RLF: variants seen among roughly 807,000 people sequenced by gnomAD.
The protein encoded by RLF is zinc finger protein Rlf.
A neutral mutation model predicts 162.9 loss-of-function variants in RLF; 7 were observed. The observed-to-expected ratio is 0.04, with a 90% CI of 0.02 to 0.08. The LOEUF (loss-of-function observed/expected upper bound fraction) is 0.08, where lower values mean the gene tolerates loss of function less well. Among genes scored for constraint, RLF ranks in the 10% least tolerant of loss-of-function variants. The probability of loss-of-function intolerance (pLI) is 1.00; values close to 1 mark genes in which losing one functional copy is unlikely to be tolerated. For synonymous variants in RLF, 782 were observed against 791.5 expected, an observed-to-expected ratio of 0.99 and a Z score of 0.20; for missense variants, 1,664 against 2,244.7, an observed-to-expected ratio of 0.74 and a Z score of 5.23.
chr1:40,205,211 A>G (rs1037184400), intron 5 of RLF, among the ~76,000 whole-genome samples: 1 of 151,998 alleles, frequency 6.6e-6, no homozygotes, highest in African/African-American at 2.4e-5. Context: ...CCCAGCACTT[A>G]GGGAGGCCGA....
chr1:40,218,363 A>T (rs1443319623), intron 5 of RLF, among the ~76,000 whole-genome samples: 1 of 151,118 alleles, frequency 6.6e-6, no homozygotes, highest in African/African-American at 2.4e-5. Context: ...TTGGCTGGTT[A>T]CTTTTGTGCC....
At chr1:40,191,342 A>G (rs1369663830) in intron 3 of RLF, among the ~76,000 whole-genome samples, 1 of 152,206 alleles carries the variant, frequency 6.6e-6, no homozygotes, top group Non-Finnish European at 1.5e-5. Flanking sequence ...GTTCGAGACC[A>G]GCTTGGCCAA....
At chr1:40,164,215 CAGTT>C (rs1424139930) in intron 1 of RLF, among the ~76,000 whole-genome samples, 1 of 152,266 alleles carries the variant, frequency 6.6e-6, no homozygotes, top group Admixed American at 6.5e-5. Context: ...GTATTTTCAT[CAGTT>C]ATTTAGTTAG....
chr1:40,178,619 GTTTTTTTTTTTTGTTTT>G (rs1570520473), intron 1 of RLF, among the ~76,000 whole-genome samples: 1 of 85,620 alleles, frequency 1.2e-5, no homozygotes, highest in Non-Finnish European at 2.4e-5. Flanking sequence ...TGTCTTTGGT[GTTTTTTTTTTTTGTTTT>G]TTTTTTTTTT....
chr1:40,221,917 A>AAGAG (rs1553175890), intron 5 of RLF, among the ~76,000 whole-genome samples: 90 of 150,378 alleles, frequency 6.0e-4, no homozygotes, highest in African/African-American at 1.9e-3. Flanking sequence ...AAAAAAAAAA[A>AAGAG]AGAGAAAGGA....
intron 6 of RLF, among the ~76,000 whole-genome samples, chr1:40,224,585 T>G (rs1643039810): frequency 6.8e-6 from 1 of 147,226 alleles, no homozygotes; most frequent in African/African-American, 2.5e-5. Flanking sequence ...CATCTTTTTT[T>G]TTTTTTTTTT....
At chr1:40,191,769 C>G (rs965088066) in intron 3 of RLF, among the ~76,000 whole-genome samples, 1 of 152,158 alleles carries the variant, frequency 6.6e-6, no homozygotes, top group African/African-American at 2.4e-5. Context: ...TTATTGATCA[C>G]TAATTATGTA....
chr1:40,239,814 C>T lies in RLF; in HGVS notation c.5112C>T (p.Pro1704=), dbSNP rs986378333. The T allele has an allele frequency of 6.2e-7, 1 of 1,614,092 alleles. No individual in the cohort carries two copies. The highest frequency in any genetic ancestry group is 1.1e-5 in the South Asian group (1 of 91,076). ...PCKIENSIPN[P]NGTESGTYFT... The stretch of plus-strand genomic sequence containing the variant: ...AAATAGAAAATTCCATACCTAATCC[C>T]AATGGGACTGAAAGTGGGACTTATT... The change falls in exon 8 of 8, where the codon CCC becomes CCT. Residue 1704 remains proline, a synonymous_variant. Transcript: ENST00000372771.
At chr1:40,170,739 G>A (rs1372522924) in intron 1 of RLF, among the ~76,000 whole-genome samples, 2 of 152,132 alleles carry the variant, frequency 1.3e-5, no homozygotes, top group East Asian at 1.9e-4. Flanking sequence ...ATGTGTATTT[G>A]TTACATATGA....
intron 1 of RLF, chr1:40,178,051 A>T (rs1046426112): frequency 2.2e-5 from 3 of 134,214 alleles, no homozygotes; most frequent in Non-Finnish European, 3.4e-5. Context: ...ACAAAAAAAT[A>T]AAAAACATAT....
Position 40,202,349 on chromosome 1 carries a change from C to G in RLF, c.608-63C>G. 12 of 1,054,712 alleles carry G rather than the reference C, an allele frequency of 1.1e-5. No individual in the cohort carries two copies. The South Asian group carries it at 1.8e-4, about 16-fold the overall frequency. The allele number at this position is 1,054,712 out of a possible 1,614,324, so 65.3% of individuals were successfully genotyped here. A position where few individuals can be genotyped will look rare whatever the true frequency, so the allele number is the denominator to read the frequency against. ...AAATAAAAAGATCTCAAACTTTCAT[C>G]TTAGCAAGTCTGACATGTTATGTGG... On this transcript the variant is annotated intron_variant, in intron 4 of 7. Coordinates refer to ENST00000372771, the MANE Select transcript of RLF (RefSeq NM_012421.4).
At chr1:40,180,046 A>G (rs1642385601) in intron 1 of RLF, among the ~76,000 whole-genome samples, 1 of 152,214 alleles carries the variant, frequency 6.6e-6, no homozygotes, top group Non-Finnish European at 1.5e-5. Flanking sequence ...TGCTGTGAAC[A>G]CGCGTGTACA....
intron 5 of RLF, among the ~76,000 whole-genome samples, chr1:40,206,339 A>G (rs1220445221): frequency 6.6e-6 from 1 of 152,224 alleles, no homozygotes; most frequent in African/African-American, 2.4e-5. Flanking sequence ...ACAAAGCTAA[A>G]GTGGTTAAGC....
At chr1:40,221,601 T>C (rs1048109448) in intron 5 of RLF, among the ~76,000 whole-genome samples, 2 of 149,644 alleles carry the variant, frequency 1.3e-5, no homozygotes, top group African/African-American at 4.9e-5. Context: ...TCATTTGCTC[T>C]GATGCAAAAA....
intron 1 of RLF, among the ~76,000 whole-genome samples, chr1:40,180,251 T>C (rs1482609802): frequency 6.6e-6 from 1 of 152,034 alleles, no homozygotes; most frequent in East Asian, 1.9e-4. Flanking sequence ...ACTTTTTCTG[T>C]TCTTTACTTT....
In RLF at chr1:40,237,831, C is replaced by T. The variant is rs2124563094; in HGVS notation, c.3129C>T (p.Ser1043=). The change falls in exon 8 of 8, where the codon TCC becomes TCT. Residue 1043 remains serine, a synonymous_variant. Transcript: ENST00000372771. This position sits in a 1 kb window ranked among gnomAD's most constrained non-coding sequence, Gnocchi z 4.4. The part of the protein sequence containing the change: ...IKCKREHQGY[S]SESSICASKR... ...GTAAACGAGAACATCAAGGTTATTC[C>T]TCAGAATCCTCCATTTGTGCTTCTA... 6.2e-7 allele frequency: 1 copy of T among 1,614,108 alleles called. No individual in the cohort carries two copies.
At chr1:40,204,933 C>T (rs1357734796) in intron 5 of RLF, among the ~76,000 whole-genome samples, 1 of 152,166 alleles carries the variant, frequency 6.6e-6, no homozygotes, top group Non-Finnish European at 1.5e-5. Context: ...TATTCATCTA[C>T]CAGCATCTAT....
chr1:40,235,767 T>C, intron 7 of RLF, 25 bp from the exon 8 acceptor site: 1 of 1,463,358 alleles, frequency 6.8e-7, no homozygotes. Flanking sequence ...AAAAAAATAA[T>C]TTTTTTATCC....
At chr1:40,235,266 G>C (rs1643202891) in intron 7 of RLF, among the ~76,000 whole-genome samples, 2 of 151,848 alleles carry the variant, frequency 1.3e-5, no homozygotes, top group South Asian at 4.1e-4. Flanking sequence ...TCTCCGTGTT[G>C]GTCAGGCTGG....
Sources: allele counts gnomAD v4.1 joint callset (sites outside exome capture counted in the v4.1 genomes callset), GRCh38; gene constraint gnomAD v4.1.1; non-coding constraint Gnocchi (gnomAD v3.1); transcripts MANE v1.5; gene names NCBI Gene and HGNC (gene_info 2026-07-23, HGNC 2026-07-21).